GPBP1: variants seen among roughly 807,000 people sequenced by gnomAD.
The protein encoded by GPBP1 is GC-rich promoter binding protein 1.
Under a neutral mutation model 56.5 loss-of-function variants are expected in GPBP1, and 13 were observed. The ratio of observed to expected loss-of-function variants is 0.23; its 90% confidence interval spans 0.15 to 0.37. The LOEUF is 0.37. Among genes scored for constraint, GPBP1 ranks in the 10% least tolerant of loss-of-function variants. GPBP1 has a pLI of 1.00. For synonymous variants in GPBP1, 204 were observed against 188.9 expected, an observed-to-expected ratio of 1.08 and a Z score of -0.66; for missense variants, 477 against 572.3, an observed-to-expected ratio of 0.83 and a Z score of 1.70.
chr5:57,208,578 T>C (rs1397691103), intron 2 of GPBP1, among the ~76,000 whole-genome samples: 1 of 151,912 alleles, frequency 6.6e-6, no homozygotes, highest in East Asian at 1.9e-4. Context: ...CTGTAGATCA[T>C]GTTTGGGTAG....
chr5:57,248,310 C>T (rs1741187022), intron 8 of GPBP1, among the ~76,000 whole-genome samples: 1 of 152,092 alleles, frequency 6.6e-6, no homozygotes, highest in Admixed American at 6.5e-5. Context: ...TTTTGAAACT[C>T]CCAGAACAGG....
chr5:57,202,154 C>T (rs533842260), intron 2 of GPBP1, among the ~76,000 whole-genome samples: 14 of 152,068 alleles, frequency 9.2e-5, no homozygotes, highest in African/African-American at 2.7e-4. Context: ...CCACTACGCT[C>T]GGCTAGTTTT....
intron 3 of GPBP1, among the ~76,000 whole-genome samples, chr5:57,218,722 C>T (rs1369375617): frequency 6.6e-6 from 1 of 152,198 alleles, no homozygotes; most frequent in Non-Finnish European, 1.5e-5. Flanking sequence ...GCCTCTACCT[C>T]CCAGTGTGCT....
chr5:57,237,182 CTTA>C (rs759298244), intron 6 of GPBP1: 134 of 1,533,058 alleles, frequency 8.7e-5, no homozygotes, highest in Non-Finnish European at 1.4e-5. Context: ...GGTATGTTTC[CTTA>C]TTATTCAGTT....
At chr5:57,217,611 A>G (rs961046854) in intron 3 of GPBP1, among the ~76,000 whole-genome samples, 24 of 152,202 alleles carry the variant, frequency 1.6e-4, no homozygotes, top group African/African-American at 5.1e-4. Flanking sequence ...CACAACTACA[A>G]GTGGTCAAAG....
chr5:57,226,554 T>G (rs1386192091), intron 3 of GPBP1, among the ~76,000 whole-genome samples: 1 of 23,932 alleles, frequency 4.2e-5, no homozygotes, highest in Non-Finnish European at 8.2e-5. Flanking sequence ...GCATTTTTGC[T>G]TTTTTTTTTT....
At chr5:57,235,684 A>G (rs754147953) in intron 5 of GPBP1, among the ~76,000 whole-genome samples, 7 of 152,140 alleles carry the variant, frequency 4.6e-5, no homozygotes, top group Non-Finnish European at 7.4e-5. Context: ...AATGCTTGGG[A>G]CCAGAAGTGT....
At chr5:57,191,974 T>C (rs1372752751) in intron 2 of GPBP1, among the ~76,000 whole-genome samples, 1 of 152,254 alleles carries the variant, frequency 6.6e-6, no homozygotes, top group Non-Finnish European at 1.5e-5. Context: ...AGGATACTAA[T>C]GCAGATAAAT....
At chr5:57,183,895 C>T (rs1754174593) in intron 2 of GPBP1, among the ~76,000 whole-genome samples, 1 of 151,570 alleles carries the variant, frequency 6.6e-6, no homozygotes, top group African/African-American at 2.4e-5. Context: ...TTCACATCAG[C>T]CTTCTAAGTA....
At chr5:57,246,948 T>G (rs1741117961) in intron 7 of GPBP1, 127 bp from the exon 8 acceptor site, 1 of 675,638 alleles carries the variant, frequency 1.5e-6, no homozygotes. Context: ...AATAATGCAG[T>G]GTGATACAAA....
At chr5:57,236,090 A>C in intron 6 of GPBP1, 58 bp downstream of exon 6, 1 of 1,154,850 alleles carries the variant, frequency 8.7e-7, no homozygotes, top group Non-Finnish European at 1.3e-6. Flanking sequence ...TATAGGTTTC[A>C]CTTTTTGTGT....
At chr5:57,256,233 C>G (rs145928211) in intron 10 of GPBP1, among the ~76,000 whole-genome samples, 16 of 151,656 alleles carry the variant, frequency 1.1e-4, no homozygotes, top group African/African-American at 3.9e-4. Flanking sequence ...CTAGCCTGGA[C>G]GGCAGAGCAA....
chr5:57,231,116 A>G lies in GPBP1; in HGVS notation c.206A>G (p.Glu69Gly), dbSNP rs775301600. The G allele has an allele frequency of 1.2e-6, 2 of 1,612,306 alleles. No homozygotes were observed. Among genetic ancestry groups the G allele is most frequent in the Non-Finnish European group, 1.7e-6 (2 of 1,179,252 alleles). Residue 69 changes from glutamate to glycine, a missense_variant, in exon 5 of 12, where the codon GAA (glutamate) becomes GGA (glycine). Physicochemically the swap from Glu to Gly is moderately conservative, Grantham distance 98. Transcript: ENST00000506184. Reference protein sequence around the residue: ...RPNGGNFGRKEKNGWRTHGRN... With the variant: ...RPNGGNFGRKGKNGWRTHGRN... ...AATAAAGGTAACTTTGGAAGGAAAGAAAAAAATGGATGGCGTACACATGGA... is the reference window on the plus strand; with the variant it reads ...AATAAAGGTAACTTTGGAAGGAAAGGAAAAAATGGATGGCGTACACATGGA...
At chr5:57,210,644 GT>G (rs1404188316) in intron 2 of GPBP1, among the ~76,000 whole-genome samples, 1 of 152,158 alleles carries the variant, frequency 6.6e-6, no homozygotes, top group Non-Finnish European at 1.5e-5. Context: ...TTCTAAAGTT[GT>G]TTGTAGTTTA....
At chr5:57,244,841 C>A (rs1018791419) in intron 6 of GPBP1, among the ~76,000 whole-genome samples, 1 of 139,748 alleles carries the variant, frequency 7.2e-6, no homozygotes, top group Admixed American at 7.8e-5. Flanking sequence ...TCAAGTGATT[C>A]TCCTGCCTCA....
At chr5:57,210,271 C>G (rs776688541) in intron 2 of GPBP1, among the ~76,000 whole-genome samples, 4 of 151,938 alleles carry the variant, frequency 2.6e-5, no homozygotes, top group Non-Finnish European at 5.9e-5. Flanking sequence ...AGCTTTCTCC[C>G]GGGGAAATTT....
At chr5:57,259,094 G>C (rs1257647681) in intron 10 of GPBP1, among the ~76,000 whole-genome samples, 1 of 152,186 alleles carries the variant, frequency 6.6e-6, no homozygotes, top group Non-Finnish European at 1.5e-5. Flanking sequence ...TAGTGCATTG[G>C]AAGAAGTCGT....
intron 2 of GPBP1, among the ~76,000 whole-genome samples, chr5:57,179,133 G>T (rs1169231181): frequency 6.6e-6 from 1 of 152,130 alleles, no homozygotes; most frequent in Admixed American, 6.6e-5. Context: ...CACATACTCA[G>T]CACTATGCCA....
At chr5:57,236,053 A>G (rs1280351780) in intron 6 of GPBP1, 21 bp downstream of exon 6, 1 of 1,466,650 alleles carries the variant, frequency 6.8e-7, no homozygotes. Context: ...TTTTATCTAT[A>G]TTTGAGGGGC....
Sources: gnomAD v4.1 joint callset for allele counts (sites outside exome capture counted in the v4.1 genomes callset) on GRCh38, gnomAD v4.1.1 for gene constraint, MANE v1.5 for transcripts, NCBI Gene and HGNC (gene_info 2026-07-23, HGNC 2026-07-21) for gene names.